Variants in NUCB2 observed in about 807,000 individuals in gnomAD.
The protein encoded by NUCB2 is nucleobindin 2, also known as nucleobindin-2.
NUCB2 carries 48 observed loss-of-function variants against 57.9 expected under a neutral mutation model. The observed-to-expected ratio is 0.83, with a 90% confidence interval of 0.66 to 1.05. NUCB2 has a LOEUF of 1.05. Ranked by LOEUF, NUCB2 falls within the 50% of genes least tolerant of loss-of-function variation. The pLI, the probability that NUCB2 is intolerant of heterozygous loss-of-function variation, is 0.00. For synonymous variants in NUCB2, 139 were observed against 152.1 expected (o/e 0.91, Z 0.64); for missense variants, 442 against 476.2 (o/e 0.93, Z 0.67).
At chr11:17,285,039 A>G (rs1394245266) in intron 2 of NUCB2, among the ~76,000 whole-genome samples, 1 of 144,468 alleles carries the variant, frequency 6.9e-6, no homozygotes, top group Non-Finnish European at 1.5e-5. Flanking sequence ...ACATACATAC[A>G]TACTTATAAT....
chr11:17,282,258 A>ATATATATT (rs1388672393), intron 1 of NUCB2, among the ~76,000 whole-genome samples: 183 of 103,428 alleles, frequency 1.8e-3, no homozygotes, highest in Middle Eastern at 4.8e-3. Context: ...ATATATATAT[A>ATATATATT]TTTTTTTTTT....
intron 11 of NUCB2, among the ~76,000 whole-genome samples, chr11:17,318,521 A>G (rs1402895601): frequency 6.6e-6 from 1 of 152,162 alleles, no homozygotes; most frequent in Admixed American, 6.6e-5. Context: ...GTACGTGATT[A>G]GGGTTGTTTT....
Position 17,309,720 on chromosome 11 carries a change from G to T in NUCB2, c.483+45G>T, listed in dbSNP as rs537959515. 1.1e-5 allele frequency: 14 copies of T among 1,222,542 alleles called. 1 individual carries two copies. Among genetic ancestry groups the T allele is most frequent in the South Asian group, 4.0e-5 (3 of 74,878 alleles). 75.7% of individuals were successfully genotyped at this position (1,222,542 alleles called of 1,614,324 possible). A position where few individuals can be genotyped will look rare whatever the true frequency, so the allele number is the denominator to read the frequency against. ...GTTTTGTCTTTATTGTGCCTTTGAG[G>T]TTTTGTAATTTGACAAGTAAACCCA... On this transcript the variant is annotated intron_variant, in intron 6 of 13. Transcript: ENST00000529010.
intron 4 of NUCB2, 105 bp downstream of exon 4, chr11:17,296,316 C>G: frequency 1.9e-6 from 1 of 516,134 alleles, no homozygotes; most frequent in Non-Finnish European, 3.3e-6. Flanking sequence ...CTCCTGGGCT[C>G]TAGTGATCCT....
intron 13 of NUCB2, 116 bp downstream of exon 13, chr11:17,331,099 AT>A: frequency 1.2e-6 from 1 of 856,224 alleles, no homozygotes; most frequent in Non-Finnish European, 1.8e-6. Context: ...TTTTTTGTGT[AT>A]TTTTTGTGGT....
intron 11 of NUCB2, among the ~76,000 whole-genome samples, chr11:17,323,745 A>T (rs1021076449): frequency 7.9e-5 from 12 of 151,908 alleles, no homozygotes; most frequent in African/African-American, 2.9e-4. Context: ...CCTTGATTTC[A>T]TTACTTGTTA....
At chr11:17,339,624 T>C (rs1952089792) in intron 2 of NUCB2, among the ~76,000 whole-genome samples, 1 of 151,542 alleles carries the variant, frequency 6.6e-6, no homozygotes, top group Admixed American at 6.6e-5. Flanking sequence ...GTCCTTGCGA[T>C]AGTTTGCTGA....
rs574333123 is a variant in NUCB2, at chr11:17,348,848, C to G, written n.2627-497C>G. On this transcript the variant is annotated intron_variant and non_coding_transcript_variant, in intron 2 of 2. Coordinates refer to the NUCB2 transcript ENST00000532240. ...GGCTGGAGTGCAACGGCATTGATCTCGGCTCACTGCAACCTCCGCTTCCCG... is the reference window on the plus strand; with the variant it reads ...GGCTGGAGTGCAACGGCATTGATCTGGGCTCACTGCAACCTCCGCTTCCCG... Among the ~76,000 whole-genome samples the G allele has an allele frequency of 2.0e-5, 3 of 151,900 alleles. No individual in the cohort carries two copies. In the South Asian group the frequency reaches 6.2e-4, roughly 32 times the overall value.
At position 17,315,544 on chromosome 11, in the gene NUCB2, C is replaced by T. The variant is rs1565441688; in HGVS notation, c.1002+69C>T. 3 of 856,942 alleles carry T rather than the reference C, an allele frequency of 3.5e-6. No individual in the cohort carries two copies. The African/African-American group carries it at 5.1e-5, about 14-fold the overall frequency. 53.1% of individuals were successfully genotyped at this position (856,942 alleles called of 1,614,324 possible). A position where few individuals can be genotyped will look rare whatever the true frequency, so the allele number is the denominator to read the frequency against. The stretch of plus-strand genomic sequence containing the variant: ...CTACATCAGTCTATTCTACTTTTAA[C>T]TTTTATTCCCCATTATGTTTGCATG... On this transcript the variant is annotated intron_variant, in intron 11 of 13. Transcript: ENST00000529010.
chr11:17,301,985 G>A, intron 5 of NUCB2, 115 bp downstream of exon 5: 1 of 780,136 alleles, frequency 1.3e-6, no homozygotes, highest in Non-Finnish European at 2.0e-6. Context: ...CTACAGCCTT[G>A]ACCACCTGGG....
intron 1 of NUCB2, among the ~76,000 whole-genome samples, chr11:17,282,216 A>ATCTATCTATC (rs1555061735): frequency 7.4e-5 from 7 of 95,140 alleles, no homozygotes; most frequent in African/African-American, 3.9e-4. Context: ...ATCTATATCT[A>ATCTATCTATC]TATCTATCTA....
downstream of NUCB2, chr11:17,333,741 T>A (rs1421438954): frequency 2.0e-4 from 30 of 152,222 alleles, no homozygotes; most frequent in Admixed American, 1.8e-3. Context: ...TGAGAAAGTT[T>A]TAGTAGCTCC....
At chr11:17,335,288 G>A (rs1456214571), downstream of NUCB2, among the ~76,000 whole-genome samples, 3 of 152,092 alleles carry the variant, frequency 2.0e-5, no homozygotes, top group Admixed American at 1.3e-4. Flanking sequence ...TTTTTAGATG[G>A]TAAACTGTGG....
intron 11 of NUCB2, among the ~76,000 whole-genome samples, chr11:17,326,615 G>T (rs1477248886): frequency 6.6e-6 from 1 of 152,090 alleles, no homozygotes; most frequent in Non-Finnish European, 1.5e-5. Flanking sequence ...CACCGCACCT[G>T]GCTGTACTTT....
At chr11:17,325,310 G>A (rs1950536794) in intron 11 of NUCB2, among the ~76,000 whole-genome samples, 1 of 152,148 alleles carries the variant, frequency 6.6e-6, no homozygotes, top group African/African-American at 2.4e-5. Context: ...TTATTGTATT[G>A]AGGCCTGTCT....
chr11:17,302,863 C>T (rs2138658671), intron 5 of NUCB2, among the ~76,000 whole-genome samples: 1 of 152,178 alleles, frequency 6.6e-6, no homozygotes, highest in Non-Finnish European at 1.5e-5. Context: ...CCTCAGCCTC[C>T]CAGTAGCTGG....
intron 11 of NUCB2, among the ~76,000 whole-genome samples, chr11:17,325,079 AGGCTTGG>A (rs1484217319): frequency 1.1e-4 from 16 of 152,200 alleles, no homozygotes; most frequent in Non-Finnish European, 2.1e-4. Flanking sequence ...CTAGGATTAC[AGGCTTGG>A]GCCACCGTGC....
At chr11:17,346,350 T>C (rs1317471674) in intron 2 of NUCB2, among the ~76,000 whole-genome samples, 3 of 152,212 alleles carry the variant, frequency 2.0e-5, no homozygotes, top group Non-Finnish European at 4.4e-5. Flanking sequence ...GATTCTAATA[T>C]GCAGACAAGT....
intron 1 of NUCB2, among the ~76,000 whole-genome samples, chr11:17,282,251 TA>T (rs1386596687): frequency 5.0e-4 from 53 of 105,200 alleles, no homozygotes; most frequent in African/African-American, 2.7e-3. Context: ...TATATATATA[TA>T]TATATATTTT....
Sources: gnomAD v4.1 joint callset for allele counts (sites outside exome capture counted in the v4.1 genomes callset) on GRCh38, gnomAD v4.1.1 for gene constraint, MANE v1.5 for transcripts, NCBI Gene and HGNC (gene_info 2026-07-23, HGNC 2026-07-21) for gene names.